Variants in JPH1 observed in about 807,000 individuals in gnomAD.
JPH1 encodes junctophilin-1.
In JPH1, 12 loss-of-function variants were observed where a neutral mutation model predicts 53.6. The observed-to-expected ratio is 0.22, with a 90% CI of 0.14 to 0.36. JPH1 has a LOEUF of 0.36. Among genes scored for constraint, JPH1 ranks in the 10% least tolerant of loss-of-function variants. The pLI is 1.00. For synonymous variants in JPH1, 375 were observed against 363.8 expected (o/e 1.03, Z -0.35); for missense variants, 808 against 905.5 (o/e 0.89, Z 1.38).
At chr8:74,300,948 C>G (rs1418399791) in intron 2 of JPH1, among the ~76,000 whole-genome samples, 4 of 152,126 alleles carry the variant, frequency 2.6e-5, no homozygotes, top group Admixed American at 2.6e-4. Flanking sequence ...GCCCCATTTC[C>G]CCAACCAGCC....
intron 3 of JPH1, among the ~76,000 whole-genome samples, chr8:74,252,581 T>A (rs182519929): frequency 5.7e-4 from 87 of 152,202 alleles, no homozygotes; most frequent in African/African-American, 2.0e-3. Context: ...AATGCTCCAA[T>A]TGAAAGGCAC....
chr8:74,280,429 G>A (rs1806978417), intron 2 of JPH1, among the ~76,000 whole-genome samples: 1 of 152,104 alleles, frequency 6.6e-6, no homozygotes, highest in South Asian at 2.1e-4. Context: ...TCCAAGAACT[G>A]GCCTACTCTT....
At position 74,321,242 on chromosome 8, in the gene JPH1, C is replaced by G; in HGVS notation, c.46G>C (p.Gly16Arg). Residue 16 changes from glycine (G) to arginine (R), a missense_variant, in exon 1 of 6, where the codon GGC becomes CGC. Physicochemically the swap from Gly to Arg is moderately radical, Grantham distance 125 (BLOSUM62 -2). Around this residue, in one of 2 missense-constraint regions of JPH1, gnomAD observed 52 missense variants for 93.6 expected, o/e 0.56. Transcript: ENST00000342232. The surrounding 1 kb of genome is among the most constrained non-coding windows in gnomAD (Gnocchi z 4.3). The stretch of plus-strand genomic sequence containing the variant: ...TGCGCCTTGCCCTCCTCCCAGCCGC[C>G]GCAGTAGGTGCCGCCATCGTCGAAG... ...FDFDDGGTYC[G>R]GWEEGKAHGH... The G allele has an allele frequency of 1.2e-6, 2 of 1,605,108 alleles. No individual in the cohort carries two copies. The highest frequency in any genetic ancestry group is 1.7e-6 in the Non-Finnish European group (2 of 1,176,004).
rs577326974 is a variant in JPH1, at chr8:74,294,593, G to A, written c.1139+20268C>T. 1.7e-3 allele frequency among the ~76,000 whole-genome samples: 254 copies of A among 152,218 alleles called. 1 individual carries two copies. Among genetic ancestry groups the A allele is most frequent in the South Asian group, 6.4e-3 (31 of 4,816 alleles). ...TCCCACACATTGTCTGAACCTCCAC[G>A]TAGCTATTATTTAACTTCAAGCTGC... On this transcript the variant is annotated intron_variant, in intron 2 of 5. Coordinates refer to ENST00000342232, the MANE Select transcript of JPH1 (RefSeq NM_020647.4).
intron 3 of JPH1, among the ~76,000 whole-genome samples, chr8:74,255,358 C>A (rs565195220): frequency 4.1e-4 from 62 of 152,168 alleles, no homozygotes; most frequent in African/African-American, 1.4e-3. Flanking sequence ...AAAGCTGAAA[C>A]TGGATCCCTT....
intron 2 of JPH1, among the ~76,000 whole-genome samples, chr8:74,310,738 C>T (rs1586775226): frequency 6.6e-6 from 1 of 152,176 alleles, no homozygotes; most frequent in East Asian, 1.9e-4. Flanking sequence ...CTCCTGGAGA[C>T]ATTATTGGAG....
intron 3 of JPH1, among the ~76,000 whole-genome samples, 169 bp from the exon 4 acceptor site, chr8:74,245,344 T>C (rs1211215697): frequency 6.6e-6 from 1 of 152,218 alleles, no homozygotes; most frequent in Admixed American, 6.5e-5. Context: ...AAAGGCTGCT[T>C]TTAAGATAAT....
Position 74,321,187 on chromosome 8 carries a change from C to T in JPH1, c.101G>A (p.Gly34Asp), listed in dbSNP as rs574279181. The stretch of plus-strand genomic sequence containing the variant: ...CCAGGAGCCCGAGTACTCGCCCTGG[C>T]CCTTGGGCCCCGTGCAGATGCCATG... The part of the protein sequence containing the change: ...HGHGICTGPK[G>D]QGEYSGSWSH... Residue 34 changes from glycine to aspartate, a missense_variant, in exon 1 of 6, where the codon GGC becomes GAC. Transcript: ENST00000342232. This position sits in a 1 kb window ranked among gnomAD's most constrained non-coding sequence, Gnocchi z 4.3. 6.2e-7 allele frequency: 1 copy of T among 1,613,156 alleles called. No individual in the cohort carries two copies. Among genetic ancestry groups the T allele is most frequent in the African/African-American group, 1.3e-5 (1 of 74,988 alleles).
In JPH1 at chr8:74,235,499, TA is replaced by T. The variant is rs10712763; in HGVS notation, c.*1551del. On this transcript the variant is annotated 3_prime_UTR_variant, in exon 6 of 6. Transcript: ENST00000342232. ...CATTGAAAAGGTAGCTAATATGGTG[TA>T]AAAAAAAAAAAAAATCTGATTAAAC... 0.78 allele frequency: 115,471 copies of T among 148,326 alleles called. 44,816 individuals carry two copies. The highest frequency in any genetic ancestry group is 0.86 in the African/African-American group (34,853 of 40,442). 9.2% of individuals were successfully genotyped at this position (148,326 alleles called of 1,614,324 possible).
intron 2 of JPH1, among the ~76,000 whole-genome samples, chr8:74,293,999 G>A (rs1020782098): frequency 1.3e-5 from 2 of 152,198 alleles, no homozygotes; most frequent in Non-Finnish European, 2.9e-5. Context: ...CTTCACTGCA[G>A]GAAAGGGCTG....
At chr8:74,283,729 C>T (rs185097673) in intron 2 of JPH1, among the ~76,000 whole-genome samples, 34 of 152,330 alleles carry the variant, frequency 2.2e-4, no homozygotes, top group Admixed American at 4.6e-4. Flanking sequence ...ACAGCTCCCC[C>T]TCCCCAAGCC....
rs1434535267 is a variant in JPH1 at position 74,320,913 on chromosome 8, G to C, written c.375C>G (p.Asp125Glu). Residue 125 changes from aspartate (D) to glutamate (E), a missense_variant, in exon 1 of 6, where the codon GAC (aspartate) becomes GAG (glutamate). Coordinates refer to ENST00000342232, the MANE Select transcript of JPH1 (RefSeq NM_020647.4). The surrounding 1 kb of genome is among the most constrained non-coding windows in gnomAD (Gnocchi z 4.4). ...QDGYGVETYG[D>E]GGTYQGQWAG... is the part of the protein sequence containing the mutation. ...GCCGCCCGTTACGCCGCTCACCTCC[G>C]TCCCCGTAGGTCTCCACGCCGTACC... 6.5e-7 allele frequency: 1 copy of C among 1,550,278 alleles called. No individual in the cohort carries two copies. Among genetic ancestry groups the C allele is most frequent in the South Asian group, 1.2e-5 (1 of 81,784 alleles).
intron 2 of JPH1, among the ~76,000 whole-genome samples, chr8:74,283,555 C>T (rs564097036): frequency 2.7e-4 from 41 of 152,268 alleles, no homozygotes; most frequent in Admixed American, 4.6e-4. Context: ...GAAAGATGGG[C>T]AGAAATACAG....
At chr8:74,291,992 C>G (rs1231477547) in intron 2 of JPH1, among the ~76,000 whole-genome samples, 1 of 152,088 alleles carries the variant, frequency 6.6e-6, no homozygotes, top group Non-Finnish European at 1.5e-5. Flanking sequence ...CACTTGTACA[C>G]AGAGTGGGGA....
chr8:74,300,361 A>G (rs1240152348), intron 2 of JPH1, among the ~76,000 whole-genome samples: 2 of 152,068 alleles, frequency 1.3e-5, no homozygotes. Flanking sequence ...ACTACCTCCC[A>G]TGTACATGCA....
intron 2 of JPH1, among the ~76,000 whole-genome samples, chr8:74,272,722 G>A (rs1271562909): frequency 2.0e-5 from 3 of 150,734 alleles, no homozygotes; most frequent in African/African-American, 7.3e-5. Flanking sequence ...TCCTGCCTCA[G>A]CCTCCCGTGT....
intron 2 of JPH1, among the ~76,000 whole-genome samples, chr8:74,278,417 C>T (rs1325440074): frequency 6.6e-6 from 1 of 152,176 alleles, no homozygotes; most frequent in East Asian, 1.9e-4. Context: ...GTGGAAGAGG[C>T]CCCACTCACC....
chr8:74,302,544 AT>A (rs1807713171), intron 2 of JPH1, among the ~76,000 whole-genome samples: 1 of 152,148 alleles, frequency 6.6e-6, no homozygotes. Flanking sequence ...GAGACATTTT[AT>A]TTCTTAATGC....
intron 2 of JPH1, among the ~76,000 whole-genome samples, chr8:74,266,102 C>T (rs1806523503): frequency 6.6e-6 from 1 of 151,812 alleles, no homozygotes; most frequent in Admixed American, 6.6e-5. Flanking sequence ...ACATAATCCA[C>T]CAATCCTACT....
Sources: gnomAD v4.1 joint callset for allele counts (sites outside exome capture counted in the v4.1 genomes callset) on GRCh38, gnomAD v4.1.1 for gene constraint, gnomAD v4.1.1 regional missense constraint, Gnocchi (gnomAD v3.1) non-coding constraint, MANE v1.5 for transcripts, NCBI Gene and HGNC (gene_info 2026-07-23, HGNC 2026-07-21) for gene names.